The following PRKCA variants were observed in gnomAD, a reference collection of about 807,000 sequenced individuals.
PRKCA encodes protein kinase C alpha type.
Under a neutral mutation model 87.0 loss-of-function variants are expected in PRKCA, and 27 were observed. That is an observed-to-expected ratio of 0.31 (90% CI 0.23 to 0.43). PRKCA has a LOEUF of 0.43. Among genes scored for constraint, PRKCA ranks in the 20% least tolerant of loss-of-function variants. The pLI is 1.00. For missense variants in PRKCA, 518 were observed against 852.3 expected (o/e 0.61, Z 4.88); for synonymous variants, 329 against 311.1 (o/e 1.06, Z -0.61).
Position 66,661,723 on chromosome 17 carries a change from G to T in PRKCA, c.529+16212G>T, listed in dbSNP as rs149144268. 4.9e-3 allele frequency among the ~76,000 whole-genome samples: 745 copies of T among 152,306 alleles called. 6 individuals carry two copies. Among genetic ancestry groups the T allele is most frequent in the African/African-American group, 0.017 (699 of 41,558 alleles). On this transcript the variant is annotated intron_variant, in intron 5 of 16. Transcript: ENST00000413366. ...GCACAACAGGTTCCAGGCGTAAATG[G>T]TGTTGATGTGGAAGAGATTGAGTGA...
intron 2 of PRKCA, among the ~76,000 whole-genome samples, chr17:66,478,308 G>A (rs767317145): frequency 2.6e-5 from 4 of 152,128 alleles, no homozygotes; most frequent in African/African-American, 7.2e-5. Context: ...AGACTGGAGT[G>A]CAGTGGCACA....
intron 3 of PRKCA, among the ~76,000 whole-genome samples, chr17:66,532,496 G>A (rs143872887): frequency 2.1e-3 from 312 of 151,964 alleles, no homozygotes; most frequent in African/African-American, 7.3e-3. Context: ...CTCCTGAGGA[G>A]CTGGGATTAC....
At chr17:66,303,172 G>A in intron 1 of PRKCA, 148 bp downstream of exon 1, 3 of 1,126,124 alleles carry the variant, frequency 2.7e-6, no homozygotes, top group Non-Finnish European at 2.4e-6. Context: ...AGTGACACGC[G>A]CGCCCGGCCC....
At chr17:66,588,978 C>T (rs543961286) in intron 3 of PRKCA, among the ~76,000 whole-genome samples, 2 of 152,184 alleles carry the variant, frequency 1.3e-5, no homozygotes, top group South Asian at 2.1e-4. Context: ...TAGGGACTTG[C>T]CTTTGTTCTT....
intron 2 of PRKCA, among the ~76,000 whole-genome samples, chr17:66,468,999 A>G (rs1391118004): frequency 6.6e-6 from 1 of 152,206 alleles, no homozygotes; most frequent in Non-Finnish European, 1.5e-5. Context: ...CAGAGCCAAG[A>G]AGGCCATGGA....
At chr17:66,734,333 C>T (rs552363143) in intron 9 of PRKCA, among the ~76,000 whole-genome samples, 5 of 152,296 alleles carry the variant, frequency 3.3e-5, no homozygotes, top group South Asian at 4.1e-4. Context: ...ATTTCTTGAT[C>T]GTATGCTAAA....
chr17:66,430,561 G>A (rs1035964000), intron 2 of PRKCA, among the ~76,000 whole-genome samples: 1 of 152,036 alleles, frequency 6.6e-6, no homozygotes, highest in African/African-American at 2.4e-5. Context: ...TGGGGCATGG[G>A]TCTGATGCAG....
At chr17:66,774,760 T>G (rs1975010684) in intron 14 of PRKCA, 1 of 985,530 alleles carries the variant, frequency 1.0e-6, no homozygotes, top group East Asian at 1.1e-4. Flanking sequence ...GTAATTAGTA[T>G]TATTATTTAA....
intron 2 of PRKCA, among the ~76,000 whole-genome samples, chr17:66,407,277 G>A (rs369970870): frequency 9.2e-5 from 14 of 152,080 alleles, no homozygotes; most frequent in African/African-American, 2.7e-4. Flanking sequence ...TCATGGGGGC[G>A]GATCCTTTGT....
intron 8 of PRKCA, among the ~76,000 whole-genome samples, chr17:66,706,333 A>G (rs528115702): frequency 3.0e-4 from 45 of 152,324 alleles, no homozygotes; most frequent in Admixed American, 2.4e-3. Flanking sequence ...TATACAGTCT[A>G]TGAGCTAAGA....
chr17:66,485,185 C>T (rs1185615194), intron 2 of PRKCA, among the ~76,000 whole-genome samples: 1 of 152,192 alleles, frequency 6.6e-6, no homozygotes, highest in Non-Finnish European at 1.5e-5. Context: ...CATCAGTAAA[C>T]ATTTGCTGAA....
At chr17:66,517,486 A>G (rs1967006447) in intron 3 of PRKCA, among the ~76,000 whole-genome samples, 1 of 152,112 alleles carries the variant, frequency 6.6e-6, no homozygotes, top group South Asian at 2.1e-4. Context: ...TTGAGGGCAA[A>G]ACCTATCTTT....
chr17:66,467,589 A>G (rs1915139961), intron 2 of PRKCA, among the ~76,000 whole-genome samples: 1 of 152,158 alleles, frequency 6.6e-6, no homozygotes, highest in Non-Finnish European at 1.5e-5. Context: ...TGACAGTCTC[A>G]CTGTGTCACC....
At chr17:66,791,351 A>G (rs1353915740) in intron 16 of PRKCA, among the ~76,000 whole-genome samples, 1 of 152,162 alleles carries the variant, frequency 6.6e-6, no homozygotes, top group Non-Finnish European at 1.5e-5. Flanking sequence ...TCTCAGGCAG[A>G]AGCCCGTGTT....
intron 2 of PRKCA, among the ~76,000 whole-genome samples, chr17:66,405,134 A>C (rs1323274213): frequency 6.6e-6 from 1 of 152,084 alleles, no homozygotes; most frequent in African/African-American, 2.4e-5. Context: ...TCAGGAGAGA[A>C]GGCAGAGCAC....
chr17:66,631,578 C>T (rs1000482900), intron 3 of PRKCA, among the ~76,000 whole-genome samples: 28 of 152,230 alleles, frequency 1.8e-4, no homozygotes, highest in Admixed American at 1.8e-3. Context: ...GCCACTGCAC[C>T]TAGCTTATCT....
chr17:66,414,786 C>A (rs1912037020), intron 2 of PRKCA, among the ~76,000 whole-genome samples: 1 of 152,098 alleles, frequency 6.6e-6, no homozygotes, highest in Admixed American at 6.5e-5. Flanking sequence ...AAGTCAGGGG[C>A]TGGTTTGATA....
intron 3 of PRKCA, among the ~76,000 whole-genome samples, chr17:66,615,969 C>A (rs2143665068): frequency 6.6e-6 from 1 of 152,258 alleles, no homozygotes; most frequent in South Asian, 2.1e-4. Flanking sequence ...TTCTCTAGAC[C>A]CAGAACTAAG....
At chr17:66,605,685 A>T (rs1970185277) in intron 3 of PRKCA, among the ~76,000 whole-genome samples, 1 of 152,250 alleles carries the variant, frequency 6.6e-6, no homozygotes, top group African/African-American at 2.4e-5. Flanking sequence ...CCAAATGTCC[A>T]TCAGCTGATG....
Sources: allele counts gnomAD v4.1 joint callset (sites outside exome capture counted in the v4.1 genomes callset), GRCh38; gene constraint gnomAD v4.1.1; transcripts MANE v1.5; gene names NCBI Gene and HGNC (gene_info 2026-07-23, HGNC 2026-07-21).